The following SLC12A7 variants were observed in gnomAD, a reference collection of about 807,000 sequenced individuals.
The protein encoded by SLC12A7 is solute carrier family 12 member 7.
Under a neutral mutation model 120.6 loss-of-function variants are expected in SLC12A7, and 100 were observed. The observed-to-expected ratio is 0.83, with a 90% CI of 0.71 to 0.98. The LOEUF (loss-of-function observed/expected upper bound fraction) is 0.98. SLC12A7 is among the 50% of genes least tolerant of loss of function. SLC12A7 has a pLI of 0.00. For synonymous variants in SLC12A7, 760 were observed against 678.0 expected, an observed-to-expected ratio of 1.12 and a Z score of -1.88; for missense variants, 1,373 against 1,548.1, an observed-to-expected ratio of 0.89 and a Z score of 1.90.
At chr5:1,095,162 G>A (rs1331699858) in intron 1 of SLC12A7, among the ~76,000 whole-genome samples, 4 of 150,542 alleles carry the variant, frequency 2.7e-5, no homozygotes, top group East Asian at 3.9e-4. Context: ...CTCCATGGGA[G>A]GACACGGCAG....
chr5:1,124,877 T>C, the SLC12A7 span, among the ~76,000 whole-genome samples: 2 of 152,102 alleles, frequency 1.3e-5, no homozygotes, highest in African/African-American at 4.8e-5. Context: ...CGGCCAGACC[T>C]CAAATCTCAC....
chr5:1,081,214 C>T (rs1430464028), intron 9 of SLC12A7, among the ~76,000 whole-genome samples: 1 of 152,098 alleles, frequency 6.6e-6, no homozygotes. Context: ...CGTCTGTAAT[C>T]CCAGCACTTT....
the SLC12A7 span, among the ~76,000 whole-genome samples, chr5:1,143,626 G>A: frequency 6.6e-6 from 1 of 152,174 alleles, no homozygotes; most frequent in Non-Finnish European, 1.5e-5. Context: ...GCAGCTGTCT[G>A]TGTCCTGCAT....
At chr5:1,081,768 G>C in intron 8 of SLC12A7, 24 bp from the exon 9 acceptor site, 1 of 1,602,860 alleles carries the variant, frequency 6.2e-7, no homozygotes, top group Non-Finnish European at 8.5e-7. Flanking sequence ...AAGATCCCAT[G>C]GGTTTCTGGC....
chr5:1,114,553 C>CT (rs1463263339), upstream of SLC12A7, among the ~76,000 whole-genome samples: 1 of 152,164 alleles, frequency 6.6e-6, no homozygotes, highest in African/African-American at 2.4e-5. Flanking sequence ...CGTTGTGTGA[C>CT]TTTCAGTGCT....
At chr5:1,115,132 C>T (rs1235161084), upstream of SLC12A7, among the ~76,000 whole-genome samples, 1 of 152,220 alleles carries the variant, frequency 6.6e-6, no homozygotes, top group Non-Finnish European at 1.5e-5. Context: ...GGGGCCTCTT[C>T]AAATGCAATC....
the SLC12A7 span, among the ~76,000 whole-genome samples, chr5:1,142,304 C>CCTCCCCTCTCCCCT: frequency 9.5e-6 from 1 of 105,174 alleles, no homozygotes; most frequent in African/African-American, 4.0e-5. Context: ...CCCCCTCGCC[C>CCTCCCCTCTCCCCT]CTCCCGTCTC....
intron 1 of SLC12A7, among the ~76,000 whole-genome samples, chr5:1,102,927 C>T (rs1175029216): frequency 6.6e-6 from 1 of 152,028 alleles, no homozygotes. Flanking sequence ...GGCGCGAGGA[C>T]CCAGGAACAC....
intron 18 of SLC12A7, among the ~76,000 whole-genome samples, chr5:1,064,548 C>CA (rs1321442474): frequency 1.3e-5 from 2 of 152,264 alleles, no homozygotes; most frequent in Non-Finnish European, 2.9e-5. Context: ...TCGACAGCCT[C>CA]AGAGCACACA....
At chr5:1,068,301 G>A (rs1285970753) in intron 17 of SLC12A7, among the ~76,000 whole-genome samples, 3 of 152,192 alleles carry the variant, frequency 2.0e-5, no homozygotes, top group African/African-American at 7.2e-5. Context: ...CGGGCGTGGT[G>A]GTGGGCACCT....
the SLC12A7 span, among the ~76,000 whole-genome samples, chr5:1,148,512 A>G: frequency 6.6e-6 from 1 of 152,056 alleles, no homozygotes; most frequent in Non-Finnish European, 1.5e-5. Context: ...GCCTTTGTTG[A>G]TACTTTTTAA....
rs1737995270 is a variant in SLC12A7 at position 1,073,785 on chromosome 5, T to C, written c.2089A>G (p.Met697Val). Residue 697 changes from methionine to valine, a missense_variant, in exon 17 of 24, where the codon ATG becomes GTG. Met to Val is a conservative substitution (Grantham distance 21, BLOSUM62 1). Coordinates refer to ENST00000264930, the MANE Select transcript of SLC12A7 (RefSeq NM_006598.3). ...TKNWRPQVLV[M>V]LNLDAEQAVK... ...GCCTGCTCCGCGTCCAGGTTCAGCA[T>C]CACCAGCACCTGGGGCCTGCAGCCA... 6.9e-7 allele frequency: 1 copy of C among 1,444,350 alleles called. No homozygotes were observed. The allele number at this position is 1,444,350 out of a possible 1,614,324, so 89.5% of individuals were successfully genotyped here.
At chr5:1,108,014 A>G (rs1401955263) in intron 1 of SLC12A7, among the ~76,000 whole-genome samples, 2 of 136,352 alleles carry the variant, frequency 1.5e-5, no homozygotes, top group African/African-American at 5.9e-5. Context: ...CTGCCACAGC[A>G]TACAAACACA....
In SLC12A7 at chr5:1,107,902, T is replaced by A. The variant is rs116760345; in HGVS notation, c.124+3966A>T. Among the ~76,000 whole-genome samples, 808 of 152,098 alleles carry A rather than the reference T, an allele frequency of 5.3e-3. 8 individuals are homozygous for A. The highest frequency in any genetic ancestry group is 0.019 in the African/African-American group (776 of 41,478). On this transcript the variant is annotated intron_variant, in intron 1 of 23. Transcript: ENST00000264930. The stretch of plus-strand genomic sequence containing the variant: ...AGGCCACACCAGGAGAGGGAGCCCC[T>A]CACCACTCACTGATGGGCCTAGACC...
Position 1,085,209 on chromosome 5 carries a change from G to A in SLC12A7, c.917+23C>T, listed in dbSNP as rs200681726. ...TGGCCCCAGCCCCACACCCACCCAC[G>A]GCTCAGAGGCCCCGAGACTCACGGG... On this transcript the variant is annotated intron_variant, in intron 7 of 23. Transcript: ENST00000264930. The A allele has an allele frequency of 1.7e-4, 269 of 1,538,924 alleles. 2 individuals carry two copies. The East Asian group carries it at 6.1e-3, about 35-fold the overall frequency.
intron 9 of SLC12A7, 35 bp downstream of exon 9, chr5:1,081,542 G>GA: frequency 6.3e-7 from 1 of 1,582,602 alleles, no homozygotes; most frequent in South Asian, 1.1e-5. Context: ...GGGAGAGAAA[G>GA]AAAGAGAAGG....
At chr5:1,094,987 C>T (rs1019110182) in intron 1 of SLC12A7, among the ~76,000 whole-genome samples, 3 of 98,306 alleles carry the variant, frequency 3.1e-5, no homozygotes, top group South Asian at 7.6e-4. Flanking sequence ...GCCCATGTGA[C>T]GGTGTTAGAA....
At chr5:1,064,820 G>GAACGGCGAGGGGACGGCGAAGC (rs1736779624) in intron 18 of SLC12A7, among the ~76,000 whole-genome samples, 1 of 140,328 alleles carries the variant, frequency 7.1e-6, no homozygotes, top group African/African-American at 2.7e-5. Flanking sequence ...GACAGTGAGG[G>GAACGGCGAGGGGACGGCGAAGC]AACGGCGAGG....
the SLC12A7 span, among the ~76,000 whole-genome samples, chr5:1,121,798 C>A: frequency 1.8e-4 from 27 of 152,326 alleles, no homozygotes; most frequent in Middle Eastern, 0.01. Flanking sequence ...CGCGCAGTTT[C>A]TCCTAGGAAG....
Sources: gnomAD v4.1 joint callset for allele counts (sites outside exome capture counted in the v4.1 genomes callset) on GRCh38, gnomAD v4.1.1 for gene constraint, MANE v1.5 for transcripts, NCBI Gene and HGNC (gene_info 2026-07-23, HGNC 2026-07-21) for gene names.